NEK5: variants seen among roughly 807,000 people sequenced by gnomAD.
NEK5 encodes NIMA related kinase 5.
In NEK5, 88 loss-of-function variants were observed where a neutral mutation model predicts 109.2. That is an observed-to-expected ratio of 0.81 (90% CI 0.68 to 0.96). The LOEUF (loss-of-function observed/expected upper bound fraction) is 0.96, where lower values mean the gene tolerates loss of function less well. NEK5 is among the 40% of genes least tolerant of loss of function. The probability of loss-of-function intolerance (pLI) is 0.00; values close to 1 mark genes in which losing one functional copy is unlikely to be tolerated. For missense variants in NEK5, 834 were observed against 920.7 expected, an observed-to-expected ratio of 0.91 and a Z score of 1.22; for synonymous variants, 283 against 299.9, an observed-to-expected ratio of 0.94 and a Z score of 0.58.
rs753124298 is a variant in NEK5 at position 52,072,009 on chromosome 13, T to C, written c.1784A>G (p.Glu595Gly). Residue 595 changes from glutamate (E) to glycine (G), a missense_variant, in exon 20 of 24, where the codon GAA (glutamate) becomes GGA (glycine). Transcript: ENST00000684899. ...FEDGMKFKEY[E>G]CVKEHGDYTD... is the part of the protein sequence containing the mutation. ...ATAATCTCCATGCTCCTTTACACAT[T>C]CATATTCCTTAAACTTCATGCCATC... 6.2e-7 allele frequency: 1 copy of C among 1,610,498 alleles called. No individual in the cohort carries two copies. The highest frequency in any genetic ancestry group is 1.7e-5 in the Admixed American group (1 of 59,990).
chr13:52,109,047 T>C (rs1593990474), intron 7 of NEK5, among the ~76,000 whole-genome samples: 3 of 152,250 alleles, frequency 2.0e-5, no homozygotes, highest in African/African-American at 7.2e-5. Context: ...AATTATTCCC[T>C]TGGAAGAAGT....
At chr13:52,108,464 T>G in intron 7 of NEK5, 60 bp from the exon 8 acceptor site, 1 of 1,070,384 alleles carries the variant, frequency 9.3e-7, no homozygotes, top group Non-Finnish European at 1.4e-6. Flanking sequence ...AGAAAAGTCT[T>G]AAGACATGGA....
chr13:52,127,470 CG>C lies in NEK5; in HGVS notation c.12del (p.Tyr4Ter). 6.3e-7 allele frequency: 1 copy of C among 1,596,698 alleles called. No homozygotes were observed. Among genetic ancestry groups the C allele is most frequent in the Non-Finnish European group, 8.6e-7 (1 of 1,164,416 alleles). ...CCTTGCCCGATGGCCTTAATCACAT[CG>C]TACTTATCCATGGTCTCCAATGGGC... MDKYDVIKAIGQGA... is the reference protein window; with the variant it reads MDKXDVIKAIGQGA... On this transcript the variant is annotated frameshift_variant, in exon 3 of 24. Coordinates refer to ENST00000684899, the MANE Select transcript of NEK5 (RefSeq NM_001365552.1). LOFTEE classifies it high-confidence loss of function.
intron 21 of NEK5, 84 bp downstream of exon 21, chr13:52,065,400 T>C (rs374980606): frequency 1.5e-5 from 24 of 1,587,110 alleles, no homozygotes; most frequent in African/African-American, 1.5e-4. Context: ...TAGTGAGAAG[T>C]AGACTATCAC....
chr13:52,040,588 G>A (rs1375828878), intron 23 of NEK5, among the ~76,000 whole-genome samples: 1 of 152,082 alleles, frequency 6.6e-6, no homozygotes, highest in Non-Finnish European at 1.5e-5. Context: ...TAAATATACA[G>A]TATTATAGTC....
At chr13:52,117,047 T>C (rs1222304244) in intron 4 of NEK5, among the ~76,000 whole-genome samples, 2 of 152,114 alleles carry the variant, frequency 1.3e-5, no homozygotes, top group African/African-American at 4.8e-5. Context: ...GCCTCCCAAG[T>C]AGCTGGGATT....
chr13:52,106,406 AT>A (rs1352042445), intron 8 of NEK5, among the ~76,000 whole-genome samples: 3 of 151,986 alleles, frequency 2.0e-5, no homozygotes, highest in Non-Finnish European at 4.4e-5. Context: ...GAAAAATGAA[AT>A]TTTTTTCCTT....
chr13:52,092,169 G>A (rs1955297181), intron 13 of NEK5, among the ~76,000 whole-genome samples: 1 of 152,102 alleles, frequency 6.6e-6, no homozygotes, highest in Non-Finnish European at 1.5e-5. Context: ...GGAAAAAGAA[G>A]ATAATTTATC....
chr13:52,118,767 C>G lies in NEK5; in HGVS notation c.214+552G>C, dbSNP rs73500159. ...CTCTCTGTAAGAGGATTACACAGTC[C>G]CATCTGTTGCCTGAGGATATGCAGG... On this transcript the variant is annotated intron_variant, in intron 4 of 23. Transcript: ENST00000684899. 6.6e-3 allele frequency among the ~76,000 whole-genome samples: 1,009 copies of G among 152,204 alleles called. 7 individuals are homozygous for G. Among genetic ancestry groups the G allele is most frequent in the African/African-American group, 0.022 (927 of 41,526 alleles).
intron 4 of NEK5, among the ~76,000 whole-genome samples, chr13:52,114,803 T>C (rs1023231266): frequency 3.3e-5 from 5 of 152,182 alleles, no homozygotes; most frequent in African/African-American, 7.2e-5. Flanking sequence ...TTTAGGAGAA[T>C]TGATGTTTCT....
Position 52,119,314 on chromosome 13 carries a change from C to A in NEK5, c.214+5G>T. On this transcript the variant is annotated splice_donor_5th_base_variant and intron_variant, in intron 4 of 23. Coordinates refer to ENST00000684899, the MANE Select transcript of NEK5 (RefSeq NM_001365552.1). ...AAATACTTAACGAATATTAGAAAAT[C>A]AAACCTTGAAATGAATTGAAGAAGG... 6.6e-7 allele frequency: 1 copy of A among 1,517,604 alleles called. No individual in the cohort carries two copies. 94.0% of individuals were successfully genotyped at this position (1,517,604 alleles called of 1,614,324 possible). A position where few individuals can be genotyped will look rare whatever the true frequency, so the allele number is the denominator to read the frequency against.
intron 4 of NEK5, among the ~76,000 whole-genome samples, chr13:52,116,807 T>C (rs1285523723): frequency 6.6e-6 from 1 of 152,222 alleles, no homozygotes; most frequent in African/African-American, 2.4e-5. Context: ...TAACAGACAC[T>C]TAGTGAATGT....
At chr13:52,099,175 C>G (rs1955478152) in intron 12 of NEK5, among the ~76,000 whole-genome samples, 1 of 152,016 alleles carries the variant, frequency 6.6e-6, no homozygotes, top group Admixed American at 6.5e-5. Context: ...CTCATATACC[C>G]CATAAATATA....
chr13:52,079,274 A>T (rs991535964), intron 17 of NEK5, among the ~76,000 whole-genome samples: 1 of 122,592 alleles, frequency 8.2e-6, no homozygotes, highest in Non-Finnish European at 1.7e-5. Context: ...TAGGGCTTTA[A>T]AAAGTAATCT....
intron 3 of NEK5, among the ~76,000 whole-genome samples, chr13:52,121,485 T>C (rs1456623198): frequency 2.0e-5 from 3 of 152,202 alleles, no homozygotes; most frequent in Non-Finnish European, 4.4e-5. Context: ...TAGAAATTTA[T>C]CCAAAGAAGA....
intron 22 of NEK5, among the ~76,000 whole-genome samples, chr13:52,052,536 G>C (rs922162441): frequency 3.3e-5 from 5 of 152,164 alleles, no homozygotes; most frequent in African/African-American, 1.2e-4. Flanking sequence ...ACAGACTCAT[G>C]GTGTTTCCCT....
chr13:52,124,203 G>A (rs1169842240), intron 3 of NEK5, among the ~76,000 whole-genome samples: 1 of 152,146 alleles, frequency 6.6e-6, no homozygotes, highest in Non-Finnish European at 1.5e-5. Context: ...GGCTGAGGCA[G>A]GAGGATGGCT....
At chr13:52,106,295 C>G (rs923545779) in intron 8 of NEK5, among the ~76,000 whole-genome samples, 2 of 152,130 alleles carry the variant, frequency 1.3e-5, no homozygotes, top group African/African-American at 4.8e-5. Flanking sequence ...GTCCAATAGC[C>G]AAGTATCTCT....
intron 23 of NEK5, among the ~76,000 whole-genome samples, chr13:52,038,214 C>G (rs1357215166): frequency 6.6e-6 from 1 of 151,956 alleles, no homozygotes. Context: ...TCCAGCTACT[C>G]AGGAGGCTGA....
Sources: allele counts gnomAD v4.1 joint callset (sites outside exome capture counted in the v4.1 genomes callset), GRCh38; gene constraint gnomAD v4.1.1; transcripts MANE v1.5; gene names NCBI Gene and HGNC (gene_info 2026-07-23, HGNC 2026-07-21).